GRIP1: variants seen among roughly 807,000 people sequenced by gnomAD.
GRIP1 encodes the protein glutamate receptor interacting protein 1, also known as glutamate receptor-interacting protein 1.
A neutral mutation model predicts 129.9 loss-of-function variants in GRIP1; 45 were observed. The ratio of observed to expected loss-of-function variants is 0.35; its 90% CI spans 0.27 to 0.44. GRIP1 has a LOEUF of 0.44. Ranked by LOEUF, GRIP1 falls within the 20% of genes least tolerant of loss-of-function variation. The probability of loss-of-function intolerance (pLI) is 1.00; values close to 1 mark genes in which losing one functional copy is unlikely to be tolerated. For synonymous variants in GRIP1, 530 were observed against 520.8 expected (o/e 1.02, Z -0.24); for missense variants, 1,196 against 1,396.8 (o/e 0.86, Z 2.29).
chr12:66,966,821 C>T (rs11176503), intron 1 of GRIP1, among the ~76,000 whole-genome samples: 31,834 of 152,084 alleles, frequency 0.21, 4,051 homozygotes, highest in East Asian at 0.29. Flanking sequence ...ATGTCTTGAT[C>T]ATCTGGCTGT....
intron 7 of GRIP1, among the ~76,000 whole-genome samples, chr12:66,515,383 AAC>A (rs1273461886): frequency 6.6e-6 from 1 of 152,162 alleles, no homozygotes; most frequent in Non-Finnish European, 1.5e-5. Context: ...TGCTAGGTGA[AAC>A]ACTGACAGAA....
chr12:66,752,355 TAA>T (rs1379185981), intron 1 of GRIP1, among the ~76,000 whole-genome samples: 2 of 152,186 alleles, frequency 1.3e-5, no homozygotes, highest in Admixed American at 6.6e-5. Context: ...CATGTATATT[TAA>T]AGTGTTTTCT....
At chr12:66,916,355 A>G (rs943610732) in intron 1 of GRIP1, among the ~76,000 whole-genome samples, 2 of 152,176 alleles carry the variant, frequency 1.3e-5, no homozygotes, top group African/African-American at 4.8e-5. Context: ...AATTTGAGAG[A>G]AGAACCTGGT....
At chr12:66,547,731 G>C (rs2061990080) in intron 2 of GRIP1, among the ~76,000 whole-genome samples, 1 of 152,174 alleles carries the variant, frequency 6.6e-6, no homozygotes. Flanking sequence ...CAAAATTATA[G>C]CACTAGAGTA....
chr12:66,507,313 C>G (rs551233488), intron 7 of GRIP1, among the ~76,000 whole-genome samples: 1 of 152,208 alleles, frequency 6.6e-6, no homozygotes, highest in South Asian at 2.1e-4. Flanking sequence ...TAGCAGGCAC[C>G]TGTAGTCCCA....
intron 1 of GRIP1, among the ~76,000 whole-genome samples, chr12:67,040,125 C>G (rs2043153923): frequency 2.0e-5 from 3 of 152,118 alleles, no homozygotes; most frequent in Admixed American, 2.0e-4. Flanking sequence ...ACAAAGGCCT[C>G]TATGCCTTTT....
chr12:66,612,305 C>T (rs965450122), intron 1 of GRIP1, among the ~76,000 whole-genome samples: 1 of 152,078 alleles, frequency 6.6e-6, no homozygotes, highest in Non-Finnish European at 1.5e-5. Flanking sequence ...AGGCTATAAA[C>T]CTATACAGCA....
At chr12:66,540,589 T>A (rs2061744980) in intron 3 of GRIP1, among the ~76,000 whole-genome samples, 1 of 152,170 alleles carries the variant, frequency 6.6e-6, no homozygotes, top group African/African-American at 2.4e-5. Flanking sequence ...AAACAATAAC[T>A]TCTGATCATG....
intron 1 of GRIP1, among the ~76,000 whole-genome samples, chr12:66,801,535 A>G (rs1299792108): frequency 6.6e-6 from 1 of 152,128 alleles, no homozygotes; most frequent in Admixed American, 6.5e-5. Context: ...TGTATTTAAG[A>G]TGAAGGAATG....
chr12:66,722,510 C>T (rs879362901), intron 1 of GRIP1, among the ~76,000 whole-genome samples: 2 of 152,072 alleles, frequency 1.3e-5, no homozygotes, highest in African/African-American at 2.4e-5. Flanking sequence ...ATCACCATAA[C>T]AGATATAATA....
intron 1 of GRIP1, among the ~76,000 whole-genome samples, chr12:66,873,588 C>T (rs2040333314): frequency 6.6e-6 from 1 of 151,960 alleles, no homozygotes; most frequent in Admixed American, 6.6e-5. Context: ...CTATGGAATA[C>T]TCATCTAGAA....
intron 1 of GRIP1, among the ~76,000 whole-genome samples, chr12:66,633,520 A>G (rs1185112644): frequency 6.6e-6 from 1 of 152,050 alleles, no homozygotes; most frequent in Non-Finnish European, 1.5e-5. Flanking sequence ...AAATCCAGAA[A>G]GAGAATGTGG....
At chr12:66,450,052 G>A (rs1331005445) in intron 11 of GRIP1, among the ~76,000 whole-genome samples, 1 of 151,858 alleles carries the variant, frequency 6.6e-6, no homozygotes, top group African/African-American at 2.4e-5. Flanking sequence ...TGTAATCCCA[G>A]CACTTTGGGA....
chr12:66,933,386 T>G (rs761850538), intron 1 of GRIP1, among the ~76,000 whole-genome samples: 1 of 152,238 alleles, frequency 6.6e-6, no homozygotes, highest in Non-Finnish European at 1.5e-5. Context: ...AAACCACTGC[T>G]GAGATTTTTC....
intron 1 of GRIP1, among the ~76,000 whole-genome samples, chr12:66,707,345 T>C (rs1251787345): frequency 6.6e-6 from 1 of 151,860 alleles, no homozygotes; most frequent in Non-Finnish European, 1.5e-5. Context: ...TACACACTTA[T>C]TTTGACAGGT....
intron 1 of GRIP1, among the ~76,000 whole-genome samples, chr12:66,968,204 T>A (rs966393247): frequency 6.6e-6 from 1 of 152,200 alleles, no homozygotes; most frequent in Non-Finnish European, 1.5e-5. Flanking sequence ...ATGTCCCTAT[T>A]TATCCCTGAT....
intron 1 of GRIP1, among the ~76,000 whole-genome samples, chr12:66,821,118 A>G (rs552422044): frequency 6.6e-6 from 1 of 152,270 alleles, no homozygotes; most frequent in South Asian, 2.1e-4. Flanking sequence ...TTAGGGATAC[A>G]TGGGAACTCT....
intron 1 of GRIP1, among the ~76,000 whole-genome samples, chr12:66,757,738 T>A (rs1418346315): frequency 3.9e-5 from 6 of 152,216 alleles, no homozygotes; most frequent in Admixed American, 6.5e-5. Context: ...CCCTTTTCTC[T>A]ACATCCTCAT....
At chr12:66,653,295 C>T (rs2032929791) in intron 1 of GRIP1, among the ~76,000 whole-genome samples, 1 of 152,162 alleles carries the variant, frequency 6.6e-6, no homozygotes, top group Admixed American at 6.5e-5. Flanking sequence ...AGGTAAAATA[C>T]CAAATTGTTA....
Sources: allele counts gnomAD v4.1 joint callset (sites outside exome capture counted in the v4.1 genomes callset), GRCh38; gene constraint gnomAD v4.1.1; transcripts MANE v1.5; gene names NCBI Gene and HGNC (gene_info 2026-07-23, HGNC 2026-07-21).